The following INPP5A variants were observed in gnomAD, a reference collection of about 807,000 sequenced individuals.
INPP5A encodes the protein 43 kDa inositol polyphosphate 5-phophatase.
In INPP5A, 14 loss-of-function variants were observed where a neutral mutation model predicts 65.2. The observed-to-expected ratio is 0.21, with a 90% CI of 0.14 to 0.34. The LOEUF is 0.34. INPP5A is among the 10% of genes least tolerant of loss of function. INPP5A has a pLI of 1.00. For missense variants in INPP5A, 431 were observed against 545.6 expected (o/e 0.79, Z 2.09); for synonymous variants, 207 against 208.3 (o/e 0.99, Z 0.05).
At chr10:132,599,381 C>A (rs1237127821) in intron 1 of INPP5A, among the ~76,000 whole-genome samples, 2 of 152,220 alleles carry the variant, frequency 1.3e-5, no homozygotes, top group African/African-American at 4.8e-5. Context: ...TTTAAAGCTC[C>A]AAAATGATCT....
intron 2 of INPP5A, among the ~76,000 whole-genome samples, chr10:132,628,553 C>T (rs2072225174): frequency 6.7e-6 from 1 of 149,624 alleles, no homozygotes; most frequent in South Asian, 2.1e-4. Context: ...TTTCTAAACT[C>T]CACATAGTTG....
chr10:132,658,865 C>T (rs556892593), intron 4 of INPP5A, among the ~76,000 whole-genome samples: 7 of 152,262 alleles, frequency 4.6e-5, no homozygotes, highest in East Asian at 1.9e-4. Flanking sequence ...CGGCTGCTCC[C>T]GGTGGCTCCA....
chr10:132,678,306 A>G lies in INPP5A; in HGVS notation c.307-12086A>G, dbSNP rs1445973662. The stretch of plus-strand genomic sequence containing the variant: ...TCATTATACAGGAAAAGATCAATGA[A>G]GCGCTACATTGATTTAAACAAAAGC... On this transcript the variant is annotated intron_variant, in intron 4 of 15. Coordinates refer to ENST00000368594, the MANE Select transcript of INPP5A (RefSeq NM_005539.5). The surrounding 1 kb of genome is among the most constrained non-coding windows in gnomAD (Gnocchi z 4.1). Among the ~76,000 whole-genome samples, 1 of 152,240 alleles carries G rather than the reference A, an allele frequency of 6.6e-6. No individual in the cohort carries two copies. Among genetic ancestry groups the G allele is most frequent in the Non-Finnish European group, 1.5e-5 (1 of 68,044 alleles).
intron 1 of INPP5A, among the ~76,000 whole-genome samples, chr10:132,599,405 G>T (rs940063378): frequency 6.6e-6 from 1 of 152,228 alleles, no homozygotes; most frequent in African/African-American, 2.4e-5. Context: ...TTGACTCCTG[G>T]TCTCACATCT....
intron 8 of INPP5A, among the ~76,000 whole-genome samples, chr10:132,716,207 G>A (rs778018587): frequency 2.4e-4 from 37 of 152,184 alleles, no homozygotes; most frequent in Non-Finnish European, 3.4e-4. Flanking sequence ...AAACCATGTG[G>A]GCCCGCAGGT....
chr10:132,737,118 C>T (rs899276412), intron 9 of INPP5A, among the ~76,000 whole-genome samples: 6 of 152,358 alleles, frequency 3.9e-5, no homozygotes, highest in Middle Eastern at 3.4e-3. Context: ...CTCAGTCTGA[C>T]GATGTTCCTG....
intron 2 of INPP5A, among the ~76,000 whole-genome samples, chr10:132,634,736 T>C (rs544715482): frequency 3.8e-4 from 58 of 152,380 alleles, no homozygotes; most frequent in African/African-American, 1.3e-3. Context: ...TCATCACGAA[T>C]GTTCTTCTTC....
intron 1 of INPP5A, among the ~76,000 whole-genome samples, chr10:132,574,628 G>GTATTTTATTTTATTT (rs66485970): frequency 8.8e-5 from 10 of 114,190 alleles, no homozygotes; most frequent in African/African-American, 3.4e-4. Flanking sequence ...TTTTAATTTT[G>GTATTTTATTTTATTT]TATTTTATTT....
chr10:132,683,024 G>A lies in INPP5A; in HGVS notation c.307-7368G>A, dbSNP rs556649766. Among the ~76,000 whole-genome samples the A allele has an allele frequency of 6.4e-5, 9 of 141,646 alleles. No individual in the cohort carries two copies. In the East Asian group the frequency reaches 6.4e-4, roughly 10 times the overall value. 92.9% of individuals were successfully genotyped at this position (141,646 alleles called of 152,430 possible). On this transcript the variant is annotated intron_variant, in intron 4 of 15. Coordinates refer to ENST00000368594, the MANE Select transcript of INPP5A (RefSeq NM_005539.5). ...GTGTGTTATCCTATGTGGAGGGCAC[G>A]TCTCCTGTGACCCAGCAAGGCCATC...
chr10:132,680,853 C>T (rs2073033460), intron 4 of INPP5A, among the ~76,000 whole-genome samples: 1 of 152,280 alleles, frequency 6.6e-6, no homozygotes, highest in Non-Finnish European at 1.5e-5. Context: ...ACCGGCGCTG[C>T]ACTCAATTTC....
chr10:132,612,051 G>A (rs1480411310), intron 2 of INPP5A, among the ~76,000 whole-genome samples: 2 of 141,506 alleles, frequency 1.4e-5, no homozygotes, highest in Non-Finnish European at 3.1e-5. Flanking sequence ...GGTGTGGGAG[G>A]TGAGGTGGGC....
At chr10:132,612,809 C>T (rs2071977755) in intron 2 of INPP5A, among the ~76,000 whole-genome samples, 1 of 152,178 alleles carries the variant, frequency 6.6e-6, no homozygotes, top group Non-Finnish European at 1.5e-5. Flanking sequence ...TGTTTGTTTT[C>T]TTTTAAGATG....
At chr10:132,643,344 A>G (rs889396071) in intron 2 of INPP5A, among the ~76,000 whole-genome samples, 1 of 152,130 alleles carries the variant, frequency 6.6e-6, no homozygotes, top group Non-Finnish European at 1.5e-5. Flanking sequence ...ACGGGCCTGA[A>G]GGATTTTGAG....
chr10:132,676,641 G>C lies in INPP5A; in HGVS notation c.307-13751G>C, dbSNP rs2072968239. On this transcript the variant is annotated intron_variant, in intron 4 of 15. Transcript: ENST00000368594. This position sits in a 1 kb window ranked among gnomAD's most constrained non-coding sequence, Gnocchi z 4.0. ...TCCCGGCCAGTGCTCCGCTCCCTGCGCCCCTGATGAGATGGCAGCCCTGGG... is the reference window on the plus strand; with the variant it reads ...TCCCGGCCAGTGCTCCGCTCCCTGCCCCCCTGATGAGATGGCAGCCCTGGG... Among the ~76,000 whole-genome samples the C allele has an allele frequency of 6.6e-6, 1 of 152,228 alleles. No individual in the cohort carries two copies. The highest frequency in any genetic ancestry group is 1.9e-4 in the East Asian group (1 of 5,174).
At chr10:132,725,777 C>T (rs548748368) in intron 8 of INPP5A, among the ~76,000 whole-genome samples, 2 of 152,194 alleles carry the variant, frequency 1.3e-5, no homozygotes, top group Non-Finnish European at 2.9e-5. Flanking sequence ...CCAAATGCAG[C>T]GTAGTTGGAT....
intron 12 of INPP5A, among the ~76,000 whole-genome samples, chr10:132,775,347 A>C (rs1011308214): frequency 1.3e-5 from 2 of 151,830 alleles, no homozygotes; most frequent in Non-Finnish European, 2.9e-5. Context: ...CCCACCCAGC[A>C]GGTATGCTTT....
At chr10:132,609,279 G>A (rs981084070) in intron 2 of INPP5A, among the ~76,000 whole-genome samples, 6 of 152,238 alleles carry the variant, frequency 3.9e-5, no homozygotes, top group African/African-American at 9.6e-5. Flanking sequence ...TCTGCTCAGC[G>A]CTCACTTGGA....
chr10:132,719,397 G>A (rs1845815495), intron 8 of INPP5A, among the ~76,000 whole-genome samples: 1 of 150,214 alleles, frequency 6.7e-6, no homozygotes, highest in South Asian at 2.1e-4. Context: ...GTGGTACCTG[G>A]GTTCTGTCTG....
intron 1 of INPP5A, among the ~76,000 whole-genome samples, chr10:132,590,419 C>T (rs1461583077): frequency 6.6e-6 from 1 of 152,156 alleles, no homozygotes; most frequent in Non-Finnish European, 1.5e-5. Flanking sequence ...TGTCTGCCGG[C>T]AGGGAGGCTG....
Sources: gnomAD v4.1 joint callset for allele counts (sites outside exome capture counted in the v4.1 genomes callset) on GRCh38, gnomAD v4.1.1 for gene constraint, Gnocchi (gnomAD v3.1) non-coding constraint, MANE v1.5 for transcripts, NCBI Gene and HGNC (gene_info 2026-07-23, HGNC 2026-07-21) for gene names.